Variants in CDK12 observed in about 807,000 individuals in gnomAD.
The protein encoded by CDK12 is cyclin dependent kinase 12, also known as cyclin-dependent kinase 12.
Under a neutral mutation model 133.8 loss-of-function variants are expected in CDK12, and 17 were observed. That is an observed-to-expected ratio of 0.13 (90% CI 0.09 to 0.19). CDK12 has a LOEUF of 0.19. Ranked by LOEUF, CDK12 falls within the 10% of genes least tolerant of loss-of-function variation. The probability of loss-of-function intolerance (pLI) is 1.00; values close to 1 mark genes in which losing one functional copy is unlikely to be tolerated. For synonymous variants in CDK12, 694 were observed against 683.6 expected, an observed-to-expected ratio of 1.02 and a Z score of -0.24; for missense variants, 1,508 against 1,818.7, an observed-to-expected ratio of 0.83 and a Z score of 3.11.
intron 1 of CDK12, among the ~76,000 whole-genome samples, chr17:39,465,183 T>G (rs1282312547): frequency 6.7e-6 from 1 of 149,344 alleles, no homozygotes; most frequent in African/African-American, 2.5e-5. Context: ...GAGGCAGAGG[T>G]TGCAGTGAGC....
At chr17:39,551,523 C>T (rs2055955352) in intron 2 of CDK12, among the ~76,000 whole-genome samples, 1 of 152,058 alleles carries the variant, frequency 6.6e-6, no homozygotes, top group South Asian at 2.1e-4. Context: ...TATTTCCCTG[C>T]TGCAATATAA....
chr17:39,466,048 T>G (rs997744797), intron 1 of CDK12, among the ~76,000 whole-genome samples: 1 of 152,086 alleles, frequency 6.6e-6, no homozygotes, highest in Admixed American at 6.6e-5. Flanking sequence ...GGCTTATGCC[T>G]ATAATCCCAA....
chr17:39,485,581 T>G (rs2051060577), intron 2 of CDK12, among the ~76,000 whole-genome samples: 1 of 151,762 alleles, frequency 6.6e-6, no homozygotes, highest in Non-Finnish European at 1.5e-5. Flanking sequence ...CCTGGCTAAT[T>G]TTTTTTGTAT....
At chr17:39,474,731 A>T (rs2050052269) in intron 2 of CDK12, among the ~76,000 whole-genome samples, 1 of 151,268 alleles carries the variant, frequency 6.6e-6, no homozygotes, top group Non-Finnish European at 1.5e-5. Flanking sequence ...GGGGGAAAAA[A>T]ACTATTTTAA....
Position 39,462,320 on chromosome 17 carries a change from C to G in CDK12, c.249C>G (p.Phe83Leu), listed in dbSNP as rs1281020836. The part of the protein sequence containing the change: ...YDDISSDSDT[F>L]SDDMAFKLDR... ...ATATCAGCTCTGATTCCGACACCTT[C>G]TCCGATGACATGGCCTTCAAACTAG... The change falls in exon 1 of 14, where the codon TTC becomes TTG. Residue 83 changes from phenylalanine to leucine, a missense_variant. Phe to Leu is a conservative substitution (Grantham distance 22). Around this residue, in one of 9 missense-constraint regions of CDK12, gnomAD observed 460 missense variants for 490.8 expected, o/e 0.94. Transcript: ENST00000447079. 2.5e-6 allele frequency: 4 copies of G among 1,614,210 alleles called. No homozygotes were observed. The highest frequency in any genetic ancestry group is 3.4e-6 in the Non-Finnish European group (4 of 1,180,050).
In CDK12 at chr17:39,462,001, G is replaced by T. The variant is rs1025569325; in HGVS notation, c.-71G>T. The T allele has an allele frequency of 5.5e-6, 7 of 1,264,908 alleles. No homozygotes were observed. Among genetic ancestry groups the T allele is most frequent in the Middle Eastern group, 2.7e-4 (1 of 3,662 alleles). 78.4% of individuals were successfully genotyped at this position (1,264,908 alleles called of 1,614,324 possible). On this transcript the variant is annotated 5_prime_UTR_variant, in exon 1 of 14. Transcript: ENST00000447079. ...TTGGTGGGCGTGGAGTTGGGGTTGG[G>T]GGGGTGGGTGGGGGTTGCTTTTTGG... is the stretch of plus-strand genomic sequence containing the variant.
intron 5 of CDK12, among the ~76,000 whole-genome samples, chr17:39,499,605 GTTCAAGCGA>G (rs2052569173): frequency 6.6e-6 from 1 of 151,682 alleles, no homozygotes; most frequent in South Asian, 2.1e-4. Flanking sequence ...TGCCTGCTGG[GTTCAAGCGA>G]TTCTCCTGCC....
upstream of CDK12, among the ~76,000 whole-genome samples, chr17:39,544,706 C>T (rs1340352772): frequency 6.7e-6 from 1 of 149,986 alleles, no homozygotes; most frequent in Non-Finnish European, 1.5e-5. Context: ...CTCGGCTCAC[C>T]GCAACCTCCG....
chr17:39,481,387 G>A (rs1314157313), intron 2 of CDK12, among the ~76,000 whole-genome samples: 30 of 142,098 alleles, frequency 2.1e-4, no homozygotes, highest in Admixed American at 6.5e-4. Context: ...GTACACTGGC[G>A]TGATCTTGCC....
chr17:39,479,063 C>T (rs1024929945), intron 2 of CDK12, among the ~76,000 whole-genome samples: 1 of 152,006 alleles, frequency 6.6e-6, no homozygotes, highest in Non-Finnish European at 1.5e-5. Context: ...AATCCCAGCA[C>T]TTTGGAAGGC....
chr17:39,520,646 G>A (rs939065760), intron 11 of CDK12, among the ~76,000 whole-genome samples: 1 of 151,682 alleles, frequency 6.6e-6, no homozygotes, highest in Non-Finnish European at 1.5e-5. Context: ...CCTGGCCTCC[G>A]AAAGTGCTGG....
intron 11 of CDK12, among the ~76,000 whole-genome samples, chr17:39,520,822 G>T (rs545754569): frequency 6.6e-6 from 1 of 152,052 alleles, no homozygotes; most frequent in East Asian, 1.9e-4. Context: ...CACCACACCC[G>T]GCTAATTTTT....
At chr17:39,516,906 G>T (rs921493384) in intron 9 of CDK12, among the ~76,000 whole-genome samples, 3 of 148,772 alleles carry the variant, frequency 2.0e-5, no homozygotes, top group Admixed American at 2.0e-4. Context: ...CTCATGATCC[G>T]CCCACCTCGG....
intron 2 of CDK12, among the ~76,000 whole-genome samples, chr17:39,488,554 A>G (rs2051317291): frequency 6.6e-6 from 1 of 152,088 alleles, no homozygotes; most frequent in Non-Finnish European, 1.5e-5. Flanking sequence ...TATTTTTTAC[A>G]GGGAAAGCAT....
In CDK12 at chr17:39,516,364, A is replaced by AT. The variant is rs796443700; in HGVS notation, c.2846+567dup. 5.4e-3 allele frequency among the ~76,000 whole-genome samples: 782 copies of AT among 145,680 alleles called. 7 individuals are homozygous for AT. The highest frequency in any genetic ancestry group is 0.011 in the South Asian group (49 of 4,580). The stretch of plus-strand genomic sequence containing the variant: ...AATATAGCAGGCTAATGTTTTTTGT[A>AT]TTTTTTTTTTTAGACAGGGTCTCGC... On this transcript the variant is annotated intron_variant, in intron 9 of 13. Coordinates refer to ENST00000447079, the MANE Select transcript of CDK12 (RefSeq NM_016507.4).
In CDK12 at chr17:39,532,103, TCTCTC is replaced by T. The variant is rs2054888317; in HGVS notation, c.*788_*792del. 4.6e-4 allele frequency: 3 copies of T among 6,464 alleles called. No individual in the cohort carries two copies. The highest frequency in any genetic ancestry group is 5.3e-3 in the Admixed American group (2 of 374). The allele number at this position is 6,464 out of a possible 1,614,324, so 0.4% of individuals were successfully genotyped here. The stretch of plus-strand genomic sequence containing the variant: ...CTGATGTGTGCTCTCTCTCTCTCTT[TCTCTC>T]TCTCTCTCTCTCTCTCTCTCTCTCT... On this transcript the variant is annotated 3_prime_UTR_variant, in exon 14 of 14. Transcript: ENST00000447079.
At chr17:39,474,591 A>G (rs1597946899) in intron 2 of CDK12, among the ~76,000 whole-genome samples, 1 of 152,166 alleles carries the variant, frequency 6.6e-6, no homozygotes. Context: ...TTGGGATTAC[A>G]GGCATGAACC....
chr17:39,565,235 T>C (rs1022057229), downstream of CDK12, among the ~76,000 whole-genome samples: 1 of 152,158 alleles, frequency 6.6e-6, no homozygotes, highest in Non-Finnish European at 1.5e-5. Context: ...TGCCTCAGCC[T>C]CCTGAGTAGC....
In CDK12 at chr17:39,462,949, G is replaced by T; in HGVS notation, c.878G>T (p.Ser293Ile). Residue 293 changes from serine (S) to isoleucine (I), a missense_variant, in exon 1 of 14, where the codon AGC becomes ATC. Ser to Ile is a moderately radical substitution (Grantham distance 142). This residue lies in a region of CDK12 where 460 missense variants were observed against 490.8 expected (regional missense o/e 0.94). Transcript: ENST00000447079. ...TACCAGTCCAGCACCCGGTCACCGAGCCCCTACAGTAGGCGACAGAGATCT... is the reference window on the plus strand; with the variant it reads ...TACCAGTCCAGCACCCGGTCACCGATCCCCTACAGTAGGCGACAGAGATCT... ...SAYQSSTRSP[S>I]PYSRRQRSVS... is the part of the protein sequence containing the mutation. The T allele has an allele frequency of 1.2e-6, 2 of 1,614,198 alleles. No homozygotes were observed. The highest frequency in any genetic ancestry group is 1.3e-5 in the African/African-American group (1 of 75,046).
Sources: gnomAD v4.1 joint callset for allele counts (sites outside exome capture counted in the v4.1 genomes callset) on GRCh38, gnomAD v4.1.1 for gene constraint, gnomAD v4.1.1 regional missense constraint, MANE v1.5 for transcripts, NCBI Gene and HGNC (gene_info 2026-07-23, HGNC 2026-07-21) for gene names.